The following NKAIN2 variants were observed in gnomAD, a reference collection of about 807,000 sequenced individuals.
NKAIN2 encodes sodium/potassium-transporting ATPase subunit beta-1-interacting protein 2.
In NKAIN2, 14 loss-of-function variants were observed where a neutral mutation model predicts 32.6. The ratio of observed to expected loss-of-function variants is 0.43; its 90% CI spans 0.28 to 0.67. The LOEUF (loss-of-function observed/expected upper bound fraction) is 0.67, where lower values mean the gene tolerates loss of function less well. Ranked by LOEUF, NKAIN2 falls within the 30% of genes least tolerant of loss-of-function variation. The probability of loss-of-function intolerance (pLI) is 0.17; values close to 1 mark genes in which losing one functional copy is unlikely to be tolerated. For synonymous variants in NKAIN2, 80 were observed against 87.2 expected, an observed-to-expected ratio of 0.92 and a Z score of 0.46; for missense variants, 198 against 258.3, an observed-to-expected ratio of 0.77 and a Z score of 1.60.
intron 3 of NKAIN2, among the ~76,000 whole-genome samples, chr6:124,419,223 C>G (rs115930469): frequency 0.011 from 1,707 of 152,100 alleles, 29 homozygotes; most frequent in African/African-American, 0.039. Context: ...TCTCTTTCTC[C>G]TTACCCCAAG....
intron 3 of NKAIN2, among the ~76,000 whole-genome samples, chr6:124,467,651 T>C (rs1459329630): frequency 6.6e-6 from 1 of 152,142 alleles, no homozygotes; most frequent in Non-Finnish European, 1.5e-5. Flanking sequence ...ATCTTTACAT[T>C]AATATTTAGA....
intron 3 of NKAIN2, among the ~76,000 whole-genome samples, chr6:124,474,379 G>T (rs1365594825): frequency 6.6e-6 from 1 of 152,024 alleles, no homozygotes; most frequent in East Asian, 1.9e-4. Flanking sequence ...CTTCTGTTGG[G>T]ATTTGGCTAT....
Position 124,670,540 on chromosome 6 carries a change from G to A in NKAIN2, c.474+12154G>A, listed in dbSNP as rs1002071204. Among the ~76,000 whole-genome samples, 17 of 151,968 alleles carry A rather than the reference G, an allele frequency of 1.1e-4. 1 individual carries two copies. Among genetic ancestry groups the A allele is most frequent in the African/African-American group, 4.1e-4 (17 of 41,402 alleles). Reference sequence around the variant, plus strand: ...GATTAAATCTGAGTGCCATGAGCATGTGTCTGGAAAAATTATTTGATCATT... The same window carrying A: ...GATTAAATCTGAGTGCCATGAGCATATGTCTGGAAAAATTATTTGATCATT... On this transcript the variant is annotated intron_variant, in intron 4 of 6. Coordinates refer to ENST00000368417, the MANE Select transcript of NKAIN2 (RefSeq NM_001040214.3).
chr6:124,779,283 G>GA (rs1240402173), intron 4 of NKAIN2, among the ~76,000 whole-genome samples: 623 of 99,592 alleles, frequency 6.3e-3, no homozygotes, highest in Non-Finnish European at 0.011. Flanking sequence ...GAGAGAGAGA[G>GA]GAAGGCAGGA....
chr6:124,021,234 T>C (rs1780850857), intron 1 of NKAIN2, among the ~76,000 whole-genome samples: 1 of 152,088 alleles, frequency 6.6e-6, no homozygotes, highest in African/African-American at 2.4e-5. Context: ...CACACACACG[T>C]ACACACACGT....
intron 6 of NKAIN2, among the ~76,000 whole-genome samples, chr6:124,818,765 A>AT (rs1421839733): frequency 2.6e-5 from 4 of 152,052 alleles, no homozygotes; most frequent in Non-Finnish European, 5.9e-5. Flanking sequence ...AAAAAGTTGT[A>AT]TTTTTTGAAA....
At chr6:124,633,609 A>G (rs1293695844) in intron 3 of NKAIN2, among the ~76,000 whole-genome samples, 1 of 152,226 alleles carries the variant, frequency 6.6e-6, no homozygotes, top group Non-Finnish European at 1.5e-5. Context: ...AGAGAATATA[A>G]TAAACATGGA....
intron 2 of NKAIN2, among the ~76,000 whole-genome samples, chr6:124,350,460 G>A (rs1798669402): frequency 6.6e-6 from 1 of 152,162 alleles, no homozygotes; most frequent in Non-Finnish European, 1.5e-5. Flanking sequence ...ATTAAGATAG[G>A]AGGTATAAGA....
intron 3 of NKAIN2, among the ~76,000 whole-genome samples, chr6:124,394,120 G>A (rs61391929): frequency 0.046 from 6,945 of 152,144 alleles, 508 homozygotes; most frequent in African/African-American, 0.16. Flanking sequence ...TTAAGGCCAT[G>A]TATTTATTTA....
intron 3 of NKAIN2, among the ~76,000 whole-genome samples, chr6:124,405,941 G>C (rs1211607584): frequency 6.6e-6 from 1 of 151,848 alleles, no homozygotes; most frequent in African/African-American, 2.4e-5. Flanking sequence ...TAAGTTTAAA[G>C]TAAGCCAGCC....
chr6:124,763,240 T>G (rs1314996339), intron 4 of NKAIN2, among the ~76,000 whole-genome samples: 1 of 152,200 alleles, frequency 6.6e-6, no homozygotes, highest in Non-Finnish European at 1.5e-5. Context: ...TGACTATATG[T>G]ATAATATTAG....
At chr6:123,834,900 C>T (rs1774549199) in intron 1 of NKAIN2, among the ~76,000 whole-genome samples, 1 of 152,148 alleles carries the variant, frequency 6.6e-6, no homozygotes, top group Admixed American at 6.5e-5. Flanking sequence ...ACCAGCCTTA[C>T]ATACATGTGA....
chr6:124,463,258 A>G lies in NKAIN2; in HGVS notation c.273+107911A>G, dbSNP rs76944627. The stretch of plus-strand genomic sequence containing the variant: ...TAAAATAGCCCAATGAAATATAATA[A>G]AAGAGAACATTTAATTATTGCCACT... On this transcript the variant is annotated intron_variant, in intron 3 of 6. Coordinates refer to ENST00000368417, the MANE Select transcript of NKAIN2 (RefSeq NM_001040214.3). Among the ~76,000 whole-genome samples, 275 of 152,176 alleles carry G rather than the reference A, an allele frequency of 1.8e-3. 1 individual carries two copies. The highest frequency in any genetic ancestry group is 6.4e-3 in the African/African-American group (264 of 41,536).
chr6:124,539,931 G>A (rs907077482), intron 3 of NKAIN2, among the ~76,000 whole-genome samples: 4 of 152,148 alleles, frequency 2.6e-5, no homozygotes, highest in Admixed American at 6.6e-5. Flanking sequence ...GTGTTGCCCA[G>A]GCTGGTCTCG....
At chr6:124,816,849 T>C (rs1781190016) in intron 5 of NKAIN2, among the ~76,000 whole-genome samples, 1 of 152,206 alleles carries the variant, frequency 6.6e-6, no homozygotes, top group African/African-American at 2.4e-5. Context: ...TGTTCTTTTG[T>C]TTCTTTTATC....
chr6:124,692,129 G>A (rs1774286497), intron 4 of NKAIN2, among the ~76,000 whole-genome samples: 1 of 152,032 alleles, frequency 6.6e-6, no homozygotes, highest in Non-Finnish European at 1.5e-5. Flanking sequence ...TTTTACCTTT[G>A]TTTAAATACT....
intron 1 of NKAIN2, among the ~76,000 whole-genome samples, chr6:124,177,709 A>G (rs1789231830): frequency 6.6e-6 from 1 of 152,004 alleles, no homozygotes; most frequent in African/African-American, 2.4e-5. Flanking sequence ...GTCATAAAGG[A>G]GGAAGCTCTC....
chr6:124,481,972 A>T (rs1324080154), intron 3 of NKAIN2, among the ~76,000 whole-genome samples: 1 of 152,152 alleles, frequency 6.6e-6, no homozygotes, highest in Non-Finnish European at 1.5e-5. Context: ...TTTTATAGAG[A>T]TTCAAAAAAA....
In NKAIN2 at chr6:123,819,047, A is replaced by G. The variant is rs116573827; in HGVS notation, c.54+14793A>G. 3.5e-3 allele frequency among the ~76,000 whole-genome samples: 525 copies of G among 152,172 alleles called. 6 individuals carry two copies. The highest frequency in any genetic ancestry group is 0.012 in the African/African-American group (485 of 41,518). ...TGAGCAAAGGGGGAATGAAAATGAT[A>G]CCGTTCATAGGTGTTAACTTCGTCA... is the stretch of plus-strand genomic sequence containing the variant. On this transcript the variant is annotated intron_variant, in intron 1 of 6. Transcript: ENST00000368417.
Sources: allele counts gnomAD v4.1 joint callset (sites outside exome capture counted in the v4.1 genomes callset), GRCh38; gene constraint gnomAD v4.1.1; transcripts MANE v1.5; gene names NCBI Gene and HGNC (gene_info 2026-07-23, HGNC 2026-07-21).